The following SMARCA2 variants were observed in gnomAD, a reference collection of about 807,000 sequenced individuals.
SMARCA2 encodes the protein SWI/SNF-related matrix-associated actin-dependent regulator of chromatin subfamily A member 2.
SMARCA2 carries 61 observed loss-of-function variants against 199.8 expected under a neutral mutation model. The ratio of observed to expected loss-of-function variants is 0.31; its 90% CI spans 0.25 to 0.38. The LOEUF is 0.38. Ranked by LOEUF, SMARCA2 falls within the 10% of genes least tolerant of loss-of-function variation. The pLI is 1.00. For missense variants in SMARCA2, 1,344 were observed against 2,012.2 expected, an observed-to-expected ratio of 0.67 and a Z score of 6.35; for synonymous variants, 935 against 732.0, an observed-to-expected ratio of 1.28 and a Z score of -4.48.
At chr9:2,100,955 A>G (rs1046214525) in intron 21 of SMARCA2, among the ~76,000 whole-genome samples, 185 of 152,196 alleles carry the variant, frequency 1.2e-3, no homozygotes, top group African/African-American at 4.3e-3. Context: ...GTGGCAGACA[A>G]GAGAGAATGT....
chr9:2,056,949 G>A lies in SMARCA2; in HGVS notation c.1347+104G>A. The A allele has an allele frequency of 1.0e-6, 1 of 992,208 alleles. No homozygotes were observed. The highest frequency in any genetic ancestry group is 1.5e-6 in the Non-Finnish European group (1 of 669,648). The allele number at this position is 992,208 out of a possible 1,614,324, so 61.5% of individuals were successfully genotyped here. ...TGAAAAATGGACCCTTGTGGGTGGTGGGGACATCACAGAACAGAACGGTTC... is the reference window on the plus strand; with the variant it reads ...TGAAAAATGGACCCTTGTGGGTGGTAGGGACATCACAGAACAGAACGGTTC... On this transcript the variant is annotated intron_variant, in intron 7 of 33. Coordinates refer to ENST00000349721, the MANE Select transcript of SMARCA2 (RefSeq NM_003070.5). This position sits in a 1 kb window ranked among gnomAD's most constrained non-coding sequence, Gnocchi z 4.0.
chr9:2,179,686 TAA>T (rs893228589), intron 29 of SMARCA2, among the ~76,000 whole-genome samples: 2 of 152,124 alleles, frequency 1.3e-5, no homozygotes, highest in Non-Finnish European at 2.9e-5. Context: ...CAGTTAAAAT[TAA>T]GAGTGTGTCC....
chr9:2,142,452 C>G (rs955423087), intron 27 of SMARCA2, among the ~76,000 whole-genome samples: 3 of 152,128 alleles, frequency 2.0e-5, no homozygotes, highest in South Asian at 4.1e-4. Flanking sequence ...GGTATTCTCT[C>G]TCTCTCTCCT....
chr9:2,174,557 A>G (rs1826429868), intron 29 of SMARCA2, among the ~76,000 whole-genome samples: 1 of 152,164 alleles, frequency 6.6e-6, no homozygotes, highest in African/African-American at 2.4e-5. Flanking sequence ...TTTTGTCTGC[A>G]GAAGCTTTGT....
chr9:2,158,160 CAAAAAA>C (rs532618380), intron 27 of SMARCA2: 22,215 of 88,436 alleles, frequency 0.25, 2,157 homozygotes, highest in South Asian at 0.34. Flanking sequence ...GAAAGAGGGC[CAAAAAA>C]AAAAAAAAAA....
intron 5 of SMARCA2, 192 bp downstream of exon 5, chr9:2,047,676 C>A: frequency 2.0e-6 from 1 of 493,894 alleles, no homozygotes; most frequent in Non-Finnish European, 3.1e-6. Flanking sequence ...GATCAAAAGC[C>A]GACGGGGACT....
intron 31 of SMARCA2, among the ~76,000 whole-genome samples, chr9:2,184,524 G>A (rs1398761496): frequency 1.3e-5 from 2 of 151,422 alleles, no homozygotes; most frequent in Admixed American, 1.3e-4. Context: ...GCTAATTTTT[G>A]TATTTTTTTT....
intron 9 of SMARCA2, among the ~76,000 whole-genome samples, chr9:2,064,896 A>C (rs1820759316): frequency 6.6e-6 from 1 of 152,228 alleles, no homozygotes; most frequent in Non-Finnish European, 1.5e-5. Context: ...TTAAAAGTTT[A>C]GCCATCAGCT....
intron 8 of SMARCA2, among the ~76,000 whole-genome samples, chr9:2,058,982 TGCCTTTTTTGTGATA>T (rs1343120278): frequency 6.6e-6 from 1 of 152,252 alleles, no homozygotes; most frequent in Non-Finnish European, 1.5e-5. Context: ...TTTGAAATGT[TGCCTTTTTTGTGATA>T]GCCTTGTTAT....
intron 1 of SMARCA2, among the ~76,000 whole-genome samples, chr9:2,026,155 G>C (rs1457816467): frequency 6.6e-6 from 1 of 152,192 alleles, no homozygotes; most frequent in African/African-American, 2.4e-5. Context: ...CTCCCAGTGA[G>C]ACATCAGTGA....
intron 7 of SMARCA2, among the ~76,000 whole-genome samples, chr9:2,057,334 G>A (rs934855429): frequency 3.3e-5 from 5 of 152,150 alleles, no homozygotes; most frequent in South Asian, 2.1e-4. Flanking sequence ...AATCCCATTC[G>A]TAAGGGCTCT....
At chr9:2,087,750 A>G (rs1821862212) in intron 18 of SMARCA2, among the ~76,000 whole-genome samples, 1 of 152,240 alleles carries the variant, frequency 6.6e-6, no homozygotes, top group Non-Finnish European at 1.5e-5. Flanking sequence ...ATTCATAGGA[A>G]TGAAAAGCCA....
chr9:2,159,422 C>T (rs1825549253), intron 27 of SMARCA2: 1 of 205,958 alleles, frequency 4.9e-6, no homozygotes, highest in African/African-American at 2.3e-5. Context: ...TTTTAAAAAT[C>T]ATTTAGACTG....
rs565681827 is a variant in SMARCA2 at position 2,150,364 on chromosome 9, C to G, written c.3982-11322C>G. Among the ~76,000 whole-genome samples, 3 of 151,774 alleles carry G rather than the reference C, an allele frequency of 2.0e-5. No homozygotes were observed. The East Asian group carries it at 5.8e-4, about 29-fold the overall frequency. On this transcript the variant is annotated intron_variant, in intron 27 of 33. Coordinates refer to ENST00000349721, the MANE Select transcript of SMARCA2 (RefSeq NM_003070.5). ...CTCTGGCTGTGCTTGTGCAGAGACC[C>G]TCATGCCAGGCCCCACACAAGCTTA... is the stretch of plus-strand genomic sequence containing the variant.
At chr9:2,015,799 C>T (rs904592617) in intron 1 of SMARCA2, among the ~76,000 whole-genome samples, 8 of 152,182 alleles carry the variant, frequency 5.3e-5, no homozygotes, top group Non-Finnish European at 1.2e-4. Context: ...GCTGCCAACT[C>T]AAGGTTGCAA....
In SMARCA2 at chr9:2,123,916, C is replaced by T. The variant is rs1054885085; in HGVS notation, c.3960C>T (p.Leu1320=). 4.4e-6 allele frequency: 7 copies of T among 1,574,960 alleles called. No homozygotes were observed. The highest frequency in any genetic ancestry group is 2.3e-5 in the East Asian group (1 of 43,098). The change falls in exon 27 of 34, where the codon CTC becomes CTT. Residue 1320 remains leucine (L), a synonymous_variant. Transcript: ENST00000349721. This position sits in a 1 kb window ranked among gnomAD's most constrained non-coding sequence, Gnocchi z 4.1. ...GTGACGTGGACTACAGTGACGCCCT[C>T]ACGGAGAAGCAGTGGCTAAGGGTAA... ...QRRDVDYSDA[L]TEKQWLRAIE...
intron 29 of SMARCA2, among the ~76,000 whole-genome samples, chr9:2,174,408 G>A (rs1000831576): frequency 6.6e-6 from 1 of 152,100 alleles, no homozygotes; most frequent in African/African-American, 2.4e-5. Context: ...CACTCCTTTA[G>A]AATCACACCT....
At chr9:2,132,180 G>A (rs10964921) in intron 27 of SMARCA2, among the ~76,000 whole-genome samples, 20,280 of 152,120 alleles carry the variant, frequency 0.13, 2,347 homozygotes, top group East Asian at 0.42. Flanking sequence ...ACGAAGAAAG[G>A]TTAAAGAACA....
At position 2,161,956 on chromosome 9, in the gene SMARCA2, C is replaced by T. The variant is rs755840945; in HGVS notation, c.4199+53C>T. 3.6e-5 allele frequency: 53 copies of T among 1,459,214 alleles called. No individual in the cohort carries two copies. The highest frequency in any genetic ancestry group is 4.6e-5 in the Non-Finnish European group (48 of 1,049,696). 90.4% of individuals were successfully genotyped at this position (1,459,214 alleles called of 1,614,324 possible). A position where few individuals can be genotyped will look rare whatever the true frequency, so the allele number is the denominator to read the frequency against. On this transcript the variant is annotated intron_variant, in intron 28 of 33. Coordinates refer to ENST00000349721, the MANE Select transcript of SMARCA2 (RefSeq NM_003070.5). This position sits in a 1 kb window ranked among gnomAD's most constrained non-coding sequence, Gnocchi z 4.7. ...CATCTCTCACCAAGACGCCGAGTGG[C>T]GCTCCCTGAGGAGCAGGAGTTGTTA...
Sources: gnomAD v4.1 joint callset for allele counts (sites outside exome capture counted in the v4.1 genomes callset) on GRCh38, gnomAD v4.1.1 for gene constraint, Gnocchi (gnomAD v3.1) non-coding constraint, MANE v1.5 for transcripts, NCBI Gene and HGNC (gene_info 2026-07-23, HGNC 2026-07-21) for gene names.